PRKAR1B: variants seen among roughly 807,000 people sequenced by gnomAD.
PRKAR1B encodes cAMP-dependent protein kinase type I-beta regulatory subunit.
In PRKAR1B, 22 loss-of-function variants were observed where a neutral mutation model predicts 46.5. The ratio of observed to expected loss-of-function variants is 0.47; its 90% CI spans 0.34 to 0.68. The LOEUF (loss-of-function observed/expected upper bound fraction) is 0.68, where lower values mean the gene tolerates loss of function less well. Among genes scored for constraint, PRKAR1B ranks in the 30% least tolerant of loss-of-function variants. The pLI is 0.01. For synonymous variants in PRKAR1B, 259 were observed against 217.7 expected (o/e 1.19, Z -1.67); for missense variants, 445 against 535.6 (o/e 0.83, Z 1.67).
intron 2 of PRKAR1B, among the ~76,000 whole-genome samples, chr7:683,890 G>A (rs993411009): frequency 3.9e-5 from 6 of 152,268 alleles, no homozygotes; most frequent in African/African-American, 1.2e-4. Context: ...AGTTTCCCCA[G>A]AGGCCCCCAC....
chr7:677,391 C>T, intron 3 of PRKAR1B, 71 bp from the exon 4 acceptor site: 1 of 1,279,578 alleles, frequency 7.8e-7, no homozygotes, highest in Non-Finnish European at 1.1e-6. Flanking sequence ...TGAAATCTCC[C>T]TACTCCACCC....
chr7:720,921 T>C (rs574461309), intron 1 of PRKAR1B, among the ~76,000 whole-genome samples: 2 of 152,352 alleles, frequency 1.3e-5, no homozygotes, highest in African/African-American at 2.4e-5. Context: ...TGTCTTCTAA[T>C]TGGTGTGTTT....
chr7:618,820 G>A (rs1782967623), intron 4 of PRKAR1B, among the ~76,000 whole-genome samples: 1 of 152,080 alleles, frequency 6.6e-6, no homozygotes. Context: ...TTGCTTGTCG[G>A]GTTTAGATAT....
chr7:593,000 C>T (rs1379977841), intron 7 of PRKAR1B, among the ~76,000 whole-genome samples: 3 of 152,190 alleles, frequency 2.0e-5, no homozygotes, highest in Non-Finnish European at 2.9e-5. Context: ...TGTGCCACTG[C>T]ACTCCATCCT....
At chr7:577,436 A>G (rs1366224236) in intron 9 of PRKAR1B, among the ~76,000 whole-genome samples, 1 of 152,090 alleles carries the variant, frequency 6.6e-6, no homozygotes, top group Non-Finnish European at 1.5e-5. Context: ...GGAGCATGCA[A>G]GCGTGAGATC....
At chr7:648,767 A>G (rs1167207034) in intron 4 of PRKAR1B, among the ~76,000 whole-genome samples, 2 of 150,976 alleles carry the variant, frequency 1.3e-5, no homozygotes, top group East Asian at 2.0e-4. Flanking sequence ...GGGTGACAAG[A>G]GTAAGACTCC....
At chr7:720,096 G>A (rs1045831840) in intron 1 of PRKAR1B, among the ~76,000 whole-genome samples, 2 of 109,312 alleles carry the variant, frequency 1.8e-5, no homozygotes, top group Non-Finnish European at 3.4e-5. Context: ...CACTCTTGTT[G>A]CCCAGGCTGG....
At chr7:594,282 G>C (rs996047598) in intron 7 of PRKAR1B, among the ~76,000 whole-genome samples, 2 of 152,166 alleles carry the variant, frequency 1.3e-5, no homozygotes, top group African/African-American at 4.8e-5. Context: ...ATGGAGTGGA[G>C]GGAACCATCC....
chr7:668,036 G>A (rs551612945), intron 4 of PRKAR1B, among the ~76,000 whole-genome samples: 1 of 152,334 alleles, frequency 6.6e-6, no homozygotes, highest in South Asian at 2.1e-4. Context: ...ATCGACAAGA[G>A]CAAAGTCACA....
At chr7:584,922 T>C (rs1445787366) in intron 7 of PRKAR1B, among the ~76,000 whole-genome samples, 1 of 151,966 alleles carries the variant, frequency 6.6e-6, no homozygotes, top group Non-Finnish European at 1.5e-5. Flanking sequence ...AGGGAGCTCA[T>C]AAACACATCT....
intron 2 of PRKAR1B, among the ~76,000 whole-genome samples, chr7:686,050 C>T (rs1779079105): frequency 6.6e-6 from 1 of 152,116 alleles, no homozygotes; most frequent in Admixed American, 6.6e-5. Flanking sequence ...CCTGTAATCC[C>T]AGCACTTTGG....
At position 667,861 on chromosome 7, in the gene PRKAR1B, C is replaced by T. The variant is rs545653008; in HGVS notation, c.440+9368G>A. ...CTTCGATCAAGGCCAACTAGCAATACCACCATCCTAGAAGGACAGGCAGGC... is the reference window on the plus strand; with the variant it reads ...CTTCGATCAAGGCCAACTAGCAATATCACCATCCTAGAAGGACAGGCAGGC... On this transcript the variant is annotated intron_variant, in intron 4 of 10. Transcript: ENST00000537384. This position sits in a 1 kb window ranked among gnomAD's most constrained non-coding sequence, Gnocchi z 4.3. Among the ~76,000 whole-genome samples the T allele has an allele frequency of 7.2e-5, 11 of 152,332 alleles. No individual in the cohort carries two copies. The highest frequency in any genetic ancestry group is 2.6e-4 in the African/African-American group (11 of 41,572).
chr7:666,072 A>T lies in PRKAR1B; in HGVS notation c.440+11157T>A, dbSNP rs1392061541. ...GGTCCCCGCCGGAGGCCCAACGCAC[A>T]ACACAAACACGCACGGTGCCACCCA... is the stretch of plus-strand genomic sequence containing the variant. On this transcript the variant is annotated intron_variant, in intron 4 of 10. Coordinates refer to ENST00000537384, the MANE Select transcript of PRKAR1B (RefSeq NM_001164760.2). This position sits in a 1 kb window ranked among gnomAD's most constrained non-coding sequence, Gnocchi z 4.9. Among the ~76,000 whole-genome samples the T allele has an allele frequency of 2.0e-5, 3 of 152,162 alleles. No homozygotes were observed. The highest frequency in any genetic ancestry group is 6.5e-5 in the Admixed American group (1 of 15,280).
At chr7:669,226 A>T (rs1209727147) in intron 4 of PRKAR1B, among the ~76,000 whole-genome samples, 1 of 152,208 alleles carries the variant, frequency 6.6e-6, no homozygotes, top group Non-Finnish European at 1.5e-5. Context: ...GCCCATCACG[A>T]AAGGTCATAT....
rs149722734 is a variant in PRKAR1B, at chr7:714,963, G to A, written c.-22-3436C>T. Among the ~76,000 whole-genome samples the A allele has an allele frequency of 0.017, 2,632 of 152,184 alleles. 45 individuals carry two copies. The highest frequency in any genetic ancestry group is 0.1 in the East Asian group (529 of 5,174). On this transcript the variant is annotated intron_variant, in intron 1 of 10. Coordinates refer to ENST00000537384, the MANE Select transcript of PRKAR1B (RefSeq NM_001164760.2). The surrounding 1 kb of genome is among the most constrained non-coding windows in gnomAD (Gnocchi z 4.3). ...CACTTTGGGAGGCCGAGGCAGGTGG[G>A]TCACTGGAGGTCAGGAGTTCAAGAC...
chr7:579,276 C>T lies in PRKAR1B; in HGVS notation c.871G>A (p.Asp291Asn), dbSNP rs774763564. 2.5e-6 allele frequency: 4 copies of T among 1,614,036 alleles called. No individual in the cohort carries two copies. The highest frequency in any genetic ancestry group is 2.2e-5 in the East Asian group (1 of 44,898). Residue 291 changes from aspartate to asparagine, a missense_variant, in exon 9 of 11, where the codon GAC (aspartate) becomes AAC (asparagine). Asp to Asn is a conservative substitution (Grantham distance 23). This residue lies in a region of PRKAR1B where 127 missense variants were observed against 138.0 expected (regional missense o/e 0.92). Transcript: ENST00000537384. ...CTCACCTCCGTGATGATGTAAAAGT[C>T]GTCCCCAGGCTCTCCCTGGACCACA... Reference protein sequence around the residue: ...KIVVQGEPGDDFYIITEGTAS... With the variant: ...KIVVQGEPGDNFYIITEGTAS...
intron 4 of PRKAR1B, among the ~76,000 whole-genome samples, chr7:665,187 C>T (rs569706737): frequency 5.9e-5 from 9 of 152,276 alleles, no homozygotes; most frequent in South Asian, 2.1e-4. Flanking sequence ...AAACGCTAGG[C>T]GTGTGGAAAA....
At chr7:594,230 G>A (rs1482228045) in intron 7 of PRKAR1B, among the ~76,000 whole-genome samples, 2 of 152,130 alleles carry the variant, frequency 1.3e-5, no homozygotes, top group Non-Finnish European at 2.9e-5. Context: ...GAAGACACCA[G>A]GCCATTCACC....
rs117792140 is a variant in PRKAR1B, at chr7:633,808, G to A, written c.441-26356C>T. Reference sequence around the variant, plus strand: ...CAGCGAGGACACAGCTCCTGTTCACGGCCTTCCCAGCAAAAGTAAGGAGGC... The same window carrying A: ...CAGCGAGGACACAGCTCCTGTTCACAGCCTTCCCAGCAAAAGTAAGGAGGC... On this transcript the variant is annotated intron_variant, in intron 4 of 10. Transcript: ENST00000537384. 2.0e-4 allele frequency among the ~76,000 whole-genome samples: 30 copies of A among 152,174 alleles called. No individual in the cohort carries two copies. The East Asian group carries it at 4.9e-3, about 25-fold the overall frequency.
Sources: allele counts gnomAD v4.1 joint callset (sites outside exome capture counted in the v4.1 genomes callset), GRCh38; gene constraint gnomAD v4.1.1; regional missense constraint gnomAD v4.1.1; non-coding constraint Gnocchi (gnomAD v3.1); transcripts MANE v1.5; gene names NCBI Gene and HGNC (gene_info 2026-07-23, HGNC 2026-07-21).